Variants in EXOC6 observed in about 807,000 individuals in gnomAD.
The protein encoded by EXOC6 is exocyst complex component 6, also known as SEC15-like 1.
In EXOC6, 60 loss-of-function variants were observed where a neutral mutation model predicts 112.5. That is an observed-to-expected ratio of 0.53 (90% confidence interval 0.43 to 0.66). EXOC6 has a LOEUF of 0.66. Among genes scored for constraint, EXOC6 ranks in the 30% least tolerant of loss-of-function variants. The probability of loss-of-function intolerance (pLI) is 0.00; values close to 1 mark genes in which losing one functional copy is unlikely to be tolerated. For missense variants in EXOC6, 855 were observed against 957.1 expected (o/e 0.89, Z 1.41); for synonymous variants, 295 against 308.0 (o/e 0.96, Z 0.44).
chr10:92,863,102 T>G (rs977639168), intron 1 of EXOC6, among the ~76,000 whole-genome samples: 7 of 152,216 alleles, frequency 4.6e-5, no homozygotes, highest in Non-Finnish European at 8.8e-5. Flanking sequence ...TATGGCTAAT[T>G]AATCAGTGTA....
chr10:92,976,275 G>C (rs1016801602), intron 18 of EXOC6, among the ~76,000 whole-genome samples: 2 of 152,216 alleles, frequency 1.3e-5, no homozygotes, highest in African/African-American at 4.8e-5. Flanking sequence ...GATGGTTGCC[G>C]TGTCTGTGTA....
At chr10:93,042,501 C>T (rs1845826764) in intron 20 of EXOC6, among the ~76,000 whole-genome samples, 1 of 152,172 alleles carries the variant, frequency 6.6e-6, no homozygotes, top group Non-Finnish European at 1.5e-5. Flanking sequence ...CACATGTGAA[C>T]ACAATCTCTT....
At chr10:92,936,040 A>G (rs1852320246) in intron 12 of EXOC6, among the ~76,000 whole-genome samples, 155 bp downstream of exon 12, 1 of 152,216 alleles carries the variant, frequency 6.6e-6, no homozygotes, top group South Asian at 2.1e-4. Flanking sequence ...ACCCAGGACT[A>G]TTCATACCAC....
intron 21 of EXOC6, 92 bp from the exon 22 acceptor site, chr10:93,058,131 G>T: frequency 1.7e-6 from 2 of 1,146,766 alleles, no homozygotes; most frequent in Non-Finnish European, 1.2e-6. Context: ...GATTAGTGTG[G>T]GATAATTCAG....
At chr10:92,931,115 GAAAAAAAAA>G (rs60087746) in intron 9 of EXOC6, among the ~76,000 whole-genome samples, 14 of 70,612 alleles carry the variant, frequency 2.0e-4, no homozygotes, top group African/African-American at 6.1e-4. Flanking sequence ...CATCTCAGAA[GAAAAAAAAA>G]AAAAAAAAAA....
chr10:92,972,510 TG>T lies in EXOC6; in HGVS notation c.1774-1541del, dbSNP rs561374300. Among the ~76,000 whole-genome samples, 30 of 152,184 alleles carry T rather than the reference TG, an allele frequency of 2.0e-4. 1 individual carries two copies. The South Asian group carries it at 6.2e-3, about 32-fold the overall frequency. The stretch of plus-strand genomic sequence containing the variant: ...TCCTGGAAAAAGGTGGAATTTTTTT[TG>T]GAACTGTGGTGCCACCTGTTTTTAC... On this transcript the variant is annotated intron_variant, in intron 17 of 21. Coordinates refer to ENST00000260762, the MANE Select transcript of EXOC6 (RefSeq NM_019053.6).
chr10:92,920,555 A>G (rs560915448), intron 8 of EXOC6, among the ~76,000 whole-genome samples: 1 of 152,258 alleles, frequency 6.6e-6, no homozygotes, highest in South Asian at 2.1e-4. Flanking sequence ...AACATCAAAA[A>G]TGTGTATCTG....
chr10:92,898,448 A>G (rs1377216700), intron 4 of EXOC6, among the ~76,000 whole-genome samples: 2 of 146,724 alleles, frequency 1.4e-5, no homozygotes, highest in African/African-American at 5.0e-5. Flanking sequence ...AAAAAAAATC[A>G]CGGCATAAAC....
chr10:92,842,469 C>T (rs1846893557), intron 1 of EXOC6, among the ~76,000 whole-genome samples: 1 of 150,902 alleles, frequency 6.6e-6, no homozygotes, highest in Admixed American at 6.6e-5. Context: ...TCATCATCAT[C>T]ATCATTTCAT....
Position 92,867,793 on chromosome 10 carries a change from A to G in EXOC6, c.101+19159A>G, listed in dbSNP as rs368107344. 1.8e-4 allele frequency among the ~76,000 whole-genome samples: 27 copies of G among 152,316 alleles called. No homozygotes were observed. In the East Asian group the frequency reaches 5.2e-3, roughly 29 times the overall value. ...TATATAAATGGATACACAACTGGTC[A>G]GTATCCACAGGGCAGTAATCAATTG... On this transcript the variant is annotated intron_variant, in intron 1 of 21. Transcript: ENST00000260762.
chr10:92,855,260 C>A (rs1474717787), intron 1 of EXOC6, among the ~76,000 whole-genome samples: 1 of 152,012 alleles, frequency 6.6e-6, no homozygotes, highest in Non-Finnish European at 1.5e-5. Flanking sequence ...CAGGATCTTG[C>A]TACATTGCCC....
chr10:92,935,482 GTC>G (rs1852289632), intron 11 of EXOC6, among the ~76,000 whole-genome samples: 1 of 151,952 alleles, frequency 6.6e-6, no homozygotes, highest in African/African-American at 2.4e-5. Flanking sequence ...AATACATAGT[GTC>G]TCTTTTATAA....
At chr10:92,871,815 TAAATA>T (rs1193477243) in intron 1 of EXOC6, among the ~76,000 whole-genome samples, 1 of 151,914 alleles carries the variant, frequency 6.6e-6, no homozygotes, top group Admixed American at 6.6e-5. Context: ...CTAAAAAAAA[TAAATA>T]AAATAATAAA....
chr10:92,870,235 T>A (rs1221817800), intron 1 of EXOC6, among the ~76,000 whole-genome samples: 1 of 152,174 alleles, frequency 6.6e-6, no homozygotes, highest in Non-Finnish European at 1.5e-5. Context: ...ATTATAGGCA[T>A]GAGCCACCGC....
intron 1 of EXOC6, among the ~76,000 whole-genome samples, chr10:92,867,748 T>C (rs1564786585): frequency 6.6e-6 from 1 of 152,158 alleles, no homozygotes. Context: ...CAATATAGGA[T>C]TTGGGAATGC....
At chr10:93,057,958 T>C (rs570103309) in intron 21 of EXOC6, among the ~76,000 whole-genome samples, 1 of 152,172 alleles carries the variant, frequency 6.6e-6, no homozygotes. Context: ...TATTAGAAAA[T>C]AGTATGATAG....
chr10:92,900,576 T>A (rs931118750), intron 5 of EXOC6: 5 of 151,928 alleles, frequency 3.3e-5, no homozygotes, highest in African/African-American at 4.8e-5. Flanking sequence ...TTCACGTATG[T>A]ATTAATAATA....
At chr10:93,008,282 G>A (rs1250897827) in intron 19 of EXOC6, among the ~76,000 whole-genome samples, 1 of 152,152 alleles carries the variant, frequency 6.6e-6, no homozygotes, top group Admixed American at 6.5e-5. Flanking sequence ...TAGTCAAATT[G>A]GAGGCATTAA....
intron 21 of EXOC6, among the ~76,000 whole-genome samples, chr10:93,057,295 A>G (rs768541559): frequency 3.3e-5 from 5 of 152,130 alleles, no homozygotes; most frequent in Non-Finnish European, 7.4e-5. Context: ...AATTGACCTT[A>G]GAAATATGTT....
Sources: gnomAD v4.1 joint callset for allele counts (sites outside exome capture counted in the v4.1 genomes callset) on GRCh38, gnomAD v4.1.1 for gene constraint, MANE v1.5 for transcripts, NCBI Gene and HGNC (gene_info 2026-07-23, HGNC 2026-07-21) for gene names.